Variants in CREB1 observed in about 807,000 individuals in gnomAD.
CREB1 encodes cAMP responsive element binding protein 1, also known as cyclic AMP-responsive element-binding protein 1.
A neutral mutation model predicts 42.0 loss-of-function variants in CREB1; 2 were observed. The ratio of observed to expected loss-of-function variants is 0.05; its 90% CI spans 0.02 to 0.15. The LOEUF (loss-of-function observed/expected upper bound fraction) is 0.15, where lower values mean the gene tolerates loss of function less well. CREB1 is among the 10% of genes least tolerant of loss of function. CREB1 has a pLI of 1.00. For synonymous variants in CREB1, 123 were observed against 139.9 expected, an observed-to-expected ratio of 0.88 and a Z score of 0.85; for missense variants, 199 against 388.9, an observed-to-expected ratio of 0.51 and a Z score of 4.11.
At chr2:207,543,658 A>G (rs2081187694) in intron 1 of CREB1, among the ~76,000 whole-genome samples, 1 of 152,100 alleles carries the variant, frequency 6.6e-6, no homozygotes, top group Admixed American at 6.5e-5. Flanking sequence ...GCTGAAGTGC[A>G]GTGGTGCTAT....
Position 207,582,720 on chromosome 2 carries a change from C to G in CREB1, c.839+5065C>G, listed in dbSNP as rs562650068. Among the ~76,000 whole-genome samples, 6 of 152,048 alleles carry G rather than the reference C, an allele frequency of 3.9e-5. No homozygotes were observed. The South Asian group carries it at 1.2e-3, about 32-fold the overall frequency. Reference sequence around the variant, plus strand: ...AAAATGGTGGCCAATATGGTGAAACCCTCTCTCTACTAAAAAGAGAAAATT... The same window carrying G: ...AAAATGGTGGCCAATATGGTGAAACGCTCTCTCTACTAAAAAGAGAAAATT... On this transcript the variant is annotated intron_variant, in intron 7 of 7. Transcript: ENST00000353267.
At chr2:207,553,921 TAAA>T (rs1415301480) in intron 1 of CREB1, among the ~76,000 whole-genome samples, 1 of 152,184 alleles carries the variant, frequency 6.6e-6, no homozygotes, top group Non-Finnish European at 1.5e-5. Flanking sequence ...TTTACTTTTT[TAAA>T]AAAATAAATG....
chr2:207,546,377 C>T lies in CREB1; in HGVS notation c.-8-9251C>T, dbSNP rs936713566. Among the ~76,000 whole-genome samples the T allele has an allele frequency of 3.9e-5, 6 of 152,056 alleles. 1 individual carries two copies. The highest frequency in any genetic ancestry group is 6.6e-5 in the Admixed American group (1 of 15,248). On this transcript the variant is annotated intron_variant, in intron 1 of 7. Transcript: ENST00000353267. ...CTGTAATGGTGGACACATATCATTA[C>T]GCATTTATCTGTAGAATGTGCAACA...
intron 1 of CREB1, among the ~76,000 whole-genome samples, chr2:207,530,829 C>T (rs2080584674): frequency 1.3e-5 from 2 of 151,894 alleles, no homozygotes; most frequent in African/African-American, 4.8e-5. Context: ...CCAAGGTTTC[C>T]TCTCGTGCTG....
At chr2:207,582,293 T>A (rs1300335792) in intron 7 of CREB1, 5 of 626,394 alleles carry the variant, frequency 8.0e-6, no homozygotes, top group Non-Finnish European at 1.4e-5. Flanking sequence ...CCCACCAGTT[T>A]TAGAATTCAT....
At chr2:207,540,626 C>T (rs1288389948) in intron 1 of CREB1, among the ~76,000 whole-genome samples, 1 of 125,758 alleles carries the variant, frequency 8.0e-6, no homozygotes, top group African/African-American at 3.1e-5. Context: ...CATAGTGAGA[C>T]CCTGTGTCAA....
chr2:207,592,399 C>T (rs1305917502), intron 7 of CREB1, among the ~76,000 whole-genome samples: 2 of 151,996 alleles, frequency 1.3e-5, no homozygotes, highest in Non-Finnish European at 2.9e-5. Context: ...AGCAAGACTC[C>T]ATCTCAAAAA....
chr2:207,567,358 A>C (rs1455633686), intron 3 of CREB1, 105 bp from the exon 4 acceptor site: 1 of 696,508 alleles, frequency 1.4e-6, no homozygotes, highest in Non-Finnish European at 2.3e-6. Flanking sequence ...ATTTTTTTCT[A>C]CTGAAGCATG....
At position 207,578,362 on chromosome 2, in the gene CREB1, A is replaced by C. The variant is rs375999841; in HGVS notation, c.839+707A>C. Among the ~76,000 whole-genome samples the C allele has an allele frequency of 5.9e-5, 9 of 152,342 alleles. No individual in the cohort carries two copies. The South Asian group carries it at 1.0e-3, about 18-fold the overall frequency. ...TAGAAGTGACCGAGACAAACAAAAGAAAATGAAAATAAGGTTATGTAAAGG... is the reference window on the plus strand; with the variant it reads ...TAGAAGTGACCGAGACAAACAAAAGCAAATGAAAATAAGGTTATGTAAAGG... On this transcript the variant is annotated intron_variant, in intron 7 of 7. Transcript: ENST00000353267.
At chr2:207,538,029 A>G (rs1200322819) in intron 1 of CREB1, among the ~76,000 whole-genome samples, 1 of 152,228 alleles carries the variant, frequency 6.6e-6, no homozygotes, top group Non-Finnish European at 1.5e-5. Flanking sequence ...AGGTAATTTT[A>G]TACAAAATTT....
chr2:207,560,384 A>G lies in CREB1; in HGVS notation c.261+12A>G. 6.2e-7 allele frequency: 1 copy of G among 1,603,452 alleles called. No homozygotes were observed. The highest frequency in any genetic ancestry group is 8.5e-7 in the Non-Finnish European group (1 of 1,175,660). ...TCCAAACAGTTCAGGTATGTGTATA[A>G]AAAGTTCTGCATCTATTTTAATAAC... On this transcript the variant is annotated intron_variant, in intron 3 of 7. Transcript: ENST00000353267.
intron 7 of CREB1, chr2:207,581,059 T>C: frequency 4.7e-6 from 1 of 214,950 alleles, no homozygotes; most frequent in Non-Finnish European, 9.4e-6. Context: ...TTTGCCTTTA[T>C]GTAACTTTAC....
chr2:207,591,087 T>C (rs2084944370), intron 7 of CREB1, among the ~76,000 whole-genome samples: 1 of 152,210 alleles, frequency 6.6e-6, no homozygotes, highest in African/African-American at 2.4e-5. Flanking sequence ...TCTTAAATTA[T>C]CAAGTATCAT....
At chr2:207,562,782 C>T (rs933901402) in intron 3 of CREB1, among the ~76,000 whole-genome samples, 2 of 152,158 alleles carry the variant, frequency 1.3e-5, no homozygotes, top group African/African-American at 4.8e-5. Context: ...TGGGAGACCT[C>T]ATTAATATTC....
In CREB1 at chr2:207,604,788, T is replaced by C. The variant is rs1158694957; in HGVS notation, c.*7730T>C. 2.0e-5 allele frequency among the ~76,000 whole-genome samples: 3 copies of C among 152,218 alleles called. No individual in the cohort carries two copies. Among genetic ancestry groups the C allele is most frequent in the South Asian group, 4.1e-4 (2 of 4,830 alleles). On this transcript the variant is annotated 3_prime_UTR_variant, in exon 8 of 8. Coordinates refer to ENST00000353267, the MANE Select transcript of CREB1 (RefSeq NM_004379.5). Reference sequence around the variant, plus strand: ...TGGCAACCACCAATCTGCTTCCTGTTTCTTTGGATTTACATCCGGGTATTT... The same window carrying C: ...TGGCAACCACCAATCTGCTTCCTGTCTCTTTGGATTTACATCCGGGTATTT...
chr2:207,577,148 C>T (rs1443056125), intron 6 of CREB1: 1 of 987,062 alleles, frequency 1.0e-6, no homozygotes, highest in African/African-American at 1.8e-5. Context: ...TTACCAATAT[C>T]AAAGGAAGAC....
At chr2:207,555,320 G>A (rs2081674115) in intron 1 of CREB1, among the ~76,000 whole-genome samples, 1 of 152,120 alleles carries the variant, frequency 6.6e-6, no homozygotes, top group South Asian at 2.1e-4. Context: ...ACCTCTCCTT[G>A]TTAGTAGGGG....
chr2:207,557,515 A>G (rs538412809), intron 2 of CREB1, among the ~76,000 whole-genome samples: 11 of 152,254 alleles, frequency 7.2e-5, no homozygotes, highest in Admixed American at 2.0e-4. Flanking sequence ...GCCCGTCTCT[A>G]CTAAAAATAC....
intron 1 of CREB1, among the ~76,000 whole-genome samples, chr2:207,534,073 G>A (rs574652126): frequency 6.6e-6 from 1 of 152,264 alleles, no homozygotes; most frequent in African/African-American, 2.4e-5. Flanking sequence ...CTACCTGTGG[G>A]CCCTTAGGCA....
Sources: allele counts gnomAD v4.1 joint callset (sites outside exome capture counted in the v4.1 genomes callset), GRCh38; gene constraint gnomAD v4.1.1; transcripts MANE v1.5; gene names NCBI Gene and HGNC (gene_info 2026-07-23, HGNC 2026-07-21).